The following KLHL22 variants were observed in gnomAD, a reference collection of about 807,000 sequenced individuals.
KLHL22 encodes kelch like family member 22.
Under a neutral mutation model 60.7 loss-of-function variants are expected in KLHL22, and 18 were observed. The observed-to-expected ratio is 0.30, with a 90% CI of 0.20 to 0.44. KLHL22 has a LOEUF of 0.44. Ranked by LOEUF, KLHL22 falls within the 20% of genes least tolerant of loss-of-function variation. The pLI, the probability that KLHL22 is intolerant of heterozygous loss-of-function variation, is 1.00. For missense variants in KLHL22, 596 were observed against 852.3 expected (o/e 0.70, Z 3.74); for synonymous variants, 355 against 354.5 (o/e 1.00, Z -0.01).
chr22:20,448,349 T>C (rs1185617818), intron 5 of KLHL22, among the ~76,000 whole-genome samples: 1 of 152,204 alleles, frequency 6.6e-6, no homozygotes, highest in Non-Finnish European at 1.5e-5. Context: ...TTCCAAAATC[T>C]GAAAAAATCT....
chr22:20,462,283 A>C (rs1422886336), intron 4 of KLHL22, among the ~76,000 whole-genome samples: 1 of 151,368 alleles, frequency 6.6e-6, no homozygotes, highest in Non-Finnish European at 1.5e-5. Flanking sequence ...TCTCAAAAAA[A>C]AAAAAAAAAA....
At chr22:20,472,928 A>C (rs1332643532) in intron 2 of KLHL22, among the ~76,000 whole-genome samples, 1 of 152,098 alleles carries the variant, frequency 6.6e-6, no homozygotes, top group Non-Finnish European at 1.5e-5. Context: ...AGACAGGTGT[A>C]CAAGTTCTGG....
intron 2 of KLHL22, chr22:20,484,071 T>C: frequency 2.0e-6 from 2 of 978,372 alleles, no homozygotes; most frequent in East Asian, 2.7e-5. Flanking sequence ...GGACCAGTAG[T>C]TGGTGGAGAA....
chr22:20,462,957 G>A (rs1472446605), intron 4 of KLHL22, among the ~76,000 whole-genome samples: 1 of 152,126 alleles, frequency 6.6e-6, no homozygotes, highest in Non-Finnish European at 1.5e-5. Flanking sequence ...CTAATTTACT[G>A]CAAAATCTTG....
At chr22:20,486,071 G>A (rs2053581802) in intron 2 of KLHL22, among the ~76,000 whole-genome samples, 1 of 150,120 alleles carries the variant, frequency 6.7e-6, no homozygotes, top group South Asian at 2.1e-4. Context: ...GAGAGGCTGA[G>A]GCAGGAGAAT....
chr22:20,486,024 C>T (rs1319440496), intron 2 of KLHL22, among the ~76,000 whole-genome samples: 10 of 150,694 alleles, frequency 6.6e-5, no homozygotes, highest in Admixed American at 4.0e-4. Context: ...AAAAATTAGC[C>T]GGGCGTGGTG....
chr22:20,472,280 GGAGTTATA>G (rs2053339075), intron 2 of KLHL22, among the ~76,000 whole-genome samples: 1 of 151,666 alleles, frequency 6.6e-6, no homozygotes, highest in Non-Finnish European at 1.5e-5. Context: ...AAGAGCAAAA[GGAGTTATA>G]GTGAAGTAAA....
At chr22:20,451,672 C>T (rs1055965783) in intron 5 of KLHL22, 22 of 1,605,022 alleles carry the variant, frequency 1.4e-5, no homozygotes, top group South Asian at 3.3e-5. Flanking sequence ...CACAGTGCTT[C>T]GGGGGAGACT....
In KLHL22 at chr22:20,442,980, G is replaced by A. The variant is rs539358566; in HGVS notation, c.1540-542C>T. Among the ~76,000 whole-genome samples, 56 of 152,316 alleles carry A rather than the reference G, an allele frequency of 3.7e-4. 1 individual carries two copies. The South Asian group carries it at 0.011, about 29-fold the overall frequency. ...TCAATATTCTCTTGTCTTCAAAATT[G>A]TCCAAACAGTAAACAAAGACATGGA... is the stretch of plus-strand genomic sequence containing the variant. On this transcript the variant is annotated intron_variant, in intron 6 of 6. Coordinates refer to ENST00000328879, the MANE Select transcript of KLHL22 (RefSeq NM_032775.4).
At chr22:20,443,147 T>A (rs1287056747) in intron 6 of KLHL22, among the ~76,000 whole-genome samples, 1 of 152,198 alleles carries the variant, frequency 6.6e-6, no homozygotes, top group Non-Finnish European at 1.5e-5. Context: ...CTACTATGTA[T>A]CTGTCTGACA....
Position 20,442,139 on chromosome 22 carries a change from C to T in KLHL22, c.1839G>A (p.Pro613=), listed in dbSNP as rs377215742. ...RGTPDRSQAD[P]DFASEVMSVS... is the part of the protein sequence containing the mutation. ...CACTCATCACCTCAGAGGCAAAGTC[C>T]GGGTCGGCCTGGCTGCGGTCAGGGG... Residue 613 remains proline (P), a synonymous_variant, in exon 7 of 7, where the codon CCG becomes CCA. Coordinates refer to ENST00000328879, the MANE Select transcript of KLHL22 (RefSeq NM_032775.4). 202 of 1,538,684 alleles carry T rather than the reference C, an allele frequency of 1.3e-4. 2 individuals are homozygous for T. In the Middle Eastern group the frequency reaches 1.4e-3, roughly 11 times the overall value.
intron 1 of KLHL22, chr22:20,491,121 T>C (rs138534419): frequency 6.6e-6 from 1 of 152,290 alleles, no homozygotes; most frequent in East Asian, 1.9e-4. Flanking sequence ...ATAAAGGGTA[T>C]TGCAAAGGAT....
chr22:20,471,767 A>G (rs1601362543), intron 2 of KLHL22, among the ~76,000 whole-genome samples: 1 of 152,118 alleles, frequency 6.6e-6, no homozygotes, highest in South Asian at 2.1e-4. Flanking sequence ...GTCCCATGTG[A>G]GCTTCGGGAG....
chr22:20,460,252 C>T (rs1409537567), intron 4 of KLHL22, among the ~76,000 whole-genome samples: 3 of 152,304 alleles, frequency 2.0e-5, no homozygotes, highest in South Asian at 2.1e-4. Context: ...TTTGCTCCTT[C>T]GAGTCTATTG....
intron 3 of KLHL22, among the ~76,000 whole-genome samples, chr22:20,470,818 G>C (rs2053312017): frequency 6.9e-6 from 1 of 144,726 alleles, no homozygotes; most frequent in Non-Finnish European, 1.5e-5. Flanking sequence ...ATGGATGGAT[G>C]GATGGATGGA....
intron 2 of KLHL22, chr22:20,484,169 T>A: frequency 1.7e-6 from 1 of 580,728 alleles, no homozygotes; most frequent in Non-Finnish European, 3.3e-6. Flanking sequence ...ATTTTTGTAT[T>A]TTTAGTAGAG....
At chr22:20,480,382 T>C (rs919952160) in intron 2 of KLHL22, among the ~76,000 whole-genome samples, 4 of 152,272 alleles carry the variant, frequency 2.6e-5, no homozygotes, top group Admixed American at 2.6e-4. Flanking sequence ...AAGTACCCAG[T>C]AGCAGGGGAA....
chr22:20,444,219 A>C (rs536548542), intron 6 of KLHL22, among the ~76,000 whole-genome samples: 2 of 152,244 alleles, frequency 1.3e-5, no homozygotes, highest in African/African-American at 4.8e-5. Flanking sequence ...CTAGCAAGGA[A>C]ATGGGACTGC....
chr22:20,459,147 C>T (rs552683444), intron 4 of KLHL22, among the ~76,000 whole-genome samples: 3 of 152,364 alleles, frequency 2.0e-5, no homozygotes, highest in African/African-American at 7.2e-5. Flanking sequence ...CAGATAGTTA[C>T]AGCCTCTTTC....
Sources: allele counts gnomAD v4.1 joint callset (sites outside exome capture counted in the v4.1 genomes callset), GRCh38; gene constraint gnomAD v4.1.1; transcripts MANE v1.5; gene names NCBI Gene and HGNC (gene_info 2026-07-23, HGNC 2026-07-21).